The following NCBP3 variants were observed in gnomAD, a reference collection of about 807,000 sequenced individuals.
NCBP3 encodes nuclear cap-binding protein subunit 3.
NCBP3 carries 20 observed loss-of-function variants against 75.7 expected under a neutral mutation model. The ratio of observed to expected loss-of-function variants is 0.26; its 90% CI spans 0.19 to 0.38. The LOEUF is 0.38. NCBP3 is among the 10% of genes least tolerant of loss of function. The pLI is 1.00. For synonymous variants in NCBP3, 293 were observed against 290.5 expected (o/e 1.01, Z -0.09); for missense variants, 678 against 796.9 (o/e 0.85, Z 1.80).
intron 10 of NCBP3, among the ~76,000 whole-genome samples, chr17:3,817,501 C>T (rs1025260314): frequency 1.3e-5 from 2 of 151,830 alleles, no homozygotes; most frequent in Non-Finnish European, 2.9e-5. Context: ...TAGTGGCAGG[C>T]GCCTGTAGTC....
chr17:3,825,715 A>G, intron 6 of NCBP3, 52 bp downstream of exon 6: 1 of 1,353,928 alleles, frequency 7.4e-7, no homozygotes. Flanking sequence ...TTAAAAAGAC[A>G]GTGAGCAATT....
chr17:3,836,575 C>G (rs1472343213), intron 3 of NCBP3, among the ~76,000 whole-genome samples: 1 of 150,530 alleles, frequency 6.6e-6, no homozygotes, highest in Non-Finnish European at 1.5e-5. Context: ...ATCATTTGAA[C>G]CCAGGAGGCG....
intron 2 of NCBP3, among the ~76,000 whole-genome samples, chr17:3,840,448 G>A (rs1289400294): frequency 6.6e-6 from 1 of 152,182 alleles, no homozygotes; most frequent in Non-Finnish European, 1.5e-5. Flanking sequence ...CTGGGACATA[G>A]TAGGAACTCA....
chr17:3,834,195 C>T (rs2143697021), intron 3 of NCBP3, among the ~76,000 whole-genome samples: 1 of 152,214 alleles, frequency 6.6e-6, no homozygotes, highest in South Asian at 2.1e-4. Context: ...TGGCACAAAT[C>T]TGAACGACTA....
Position 3,813,003 on chromosome 17 carries a change from A to T in NCBP3, c.*41T>A, listed in dbSNP as rs368554336. ...TACTGCGCGCCCCACCCTGTGCAAG[A>T]ATGTCAGGCTTTAGGGCAGCTGCCA... On this transcript the variant is annotated 3_prime_UTR_variant, in exon 13 of 13. Transcript: ENST00000389005. 3.7e-6 allele frequency: 6 copies of T among 1,612,126 alleles called. No homozygotes were observed. Among genetic ancestry groups the T allele is most frequent in the Non-Finnish European group, 5.1e-6 (6 of 1,178,974 alleles).
intron 3 of NCBP3, among the ~76,000 whole-genome samples, chr17:3,834,601 C>A (rs1000960740): frequency 5.3e-5 from 8 of 152,074 alleles, no homozygotes; most frequent in Non-Finnish European, 1.0e-4. Context: ...CATGGAGAAA[C>A]CTCATCTCTA....
intron 9 of NCBP3, among the ~76,000 whole-genome samples, chr17:3,819,015 G>A (rs189963823): frequency 1.2e-4 from 18 of 152,214 alleles, no homozygotes; most frequent in South Asian, 1.0e-3. Flanking sequence ...GTAAACAAGC[G>A]TCTGTTTCAG....
At chr17:3,826,523 T>A (rs976116811) in intron 4 of NCBP3, among the ~76,000 whole-genome samples, 1 of 151,992 alleles carries the variant, frequency 6.6e-6, no homozygotes, top group East Asian at 1.9e-4. Context: ...CCCAGCTACT[T>A]GGGAGGCCGA....
chr17:3,824,980 G>C lies in NCBP3; in HGVS notation c.758C>G (p.Ala253Gly). The change falls in exon 7 of 13, where the codon GCT becomes GGT. Residue 253 changes from alanine (A) to glycine (G), a missense_variant. Ala to Gly is a moderately conservative substitution (Grantham distance 60). Around this residue, in one of 7 missense-constraint regions of NCBP3, gnomAD observed 98 missense variants for 101.8 expected, o/e 0.96. Transcript: ENST00000389005. The stretch of plus-strand genomic sequence containing the variant: ...TCTCATGAATAACCTATTTCCTTTA[G>C]CAAGTTTGTTAGCTGGACGAAGATC... ...RNDLRPANKL[A>G]KGNRLFMRFA... The C allele has an allele frequency of 2.6e-6, 4 of 1,543,452 alleles. No individual in the cohort carries two copies. Among genetic ancestry groups the C allele is most frequent in the Non-Finnish European group, 3.5e-6 (4 of 1,142,780 alleles).
rs1054340548 is a variant in NCBP3, at chr17:3,829,194, G to A, written c.481+49C>T. On this transcript the variant is annotated intron_variant, in intron 4 of 12. Transcript: ENST00000389005. ...ACCATCTCTGATGGCAAGAACTCTT[G>A]AAAAATCATCAACAAAAGCATATTC... The A allele has an allele frequency of 1.2e-5, 19 of 1,545,190 alleles. No homozygotes were observed. The South Asian group carries it at 1.4e-4, about 12-fold the overall frequency.
At chr17:3,840,055 C>T (rs746575440) in intron 3 of NCBP3, 45 bp downstream of exon 3, 2 of 1,466,086 alleles carry the variant, frequency 1.4e-6, no homozygotes, top group South Asian at 1.2e-5. Flanking sequence ...GGAAAAGGCA[C>T]TCTCTGGGGA....
At position 3,825,056 on chromosome 17, in the gene NCBP3, G is replaced by C. The variant is rs1186298868; in HGVS notation, c.688-6C>G. 1 of 1,429,422 alleles carries C rather than the reference G, an allele frequency of 7.0e-7. No homozygotes were observed. Among genetic ancestry groups the C allele is most frequent in the East Asian group, 2.5e-5 (1 of 39,810 alleles). 88.5% of individuals were successfully genotyped at this position (1,429,422 alleles called of 1,614,324 possible). A position where few individuals can be genotyped will look rare whatever the true frequency, so the allele number is the denominator to read the frequency against. ...ACCTGAGACAACGTATCCAACTTAA[G>C]AAAGAAGAGTATTTTTAATATAAAA... On this transcript the variant is annotated splice_region_variant and splice_polypyrimidine_tract_variant and intron_variant, in intron 6 of 12. Coordinates refer to ENST00000389005, the MANE Select transcript of NCBP3 (RefSeq NM_001114118.3).
At chr17:3,845,770 G>C (rs570078686) in intron 1 of NCBP3, among the ~76,000 whole-genome samples, 5 of 152,176 alleles carry the variant, frequency 3.3e-5, no homozygotes, top group South Asian at 2.1e-4. Context: ...CGGCTCAGAG[G>C]GGGCAGCGGA....
At position 3,810,238 on chromosome 17, in the gene NCBP3, A is replaced by G. The variant is rs2053388328; in HGVS notation, c.*2806T>C. 1 of 152,290 alleles carries G rather than the reference A, an allele frequency of 6.6e-6. No homozygotes were observed. Among genetic ancestry groups the G allele is most frequent in the African/African-American group, 2.4e-5 (1 of 41,460 alleles). The allele number at this position is 152,290 out of a possible 1,614,324, so 9.4% of individuals were successfully genotyped here. A position where few individuals can be genotyped will look rare whatever the true frequency, so the allele number is the denominator to read the frequency against. ...GGAGACAGGGCAGAGACCAGTGAAG[A>G]GGCTGCTGTACAAATGCAGCTGGAA... On this transcript the variant is annotated 3_prime_UTR_variant, in exon 13 of 13. Coordinates refer to ENST00000389005, the MANE Select transcript of NCBP3 (RefSeq NM_001114118.3).
In NCBP3 at chr17:3,811,880, G is replaced by C. The variant is rs1406787231; in HGVS notation, c.*1164C>G. 6.6e-6 allele frequency: 1 copy of C among 152,174 alleles called. No individual in the cohort carries two copies. Among genetic ancestry groups the C allele is most frequent in the East Asian group, 1.9e-4 (1 of 5,206 alleles). 9.4% of individuals were successfully genotyped at this position (152,174 alleles called of 1,614,324 possible). A position where few individuals can be genotyped will look rare whatever the true frequency, so the allele number is the denominator to read the frequency against. On this transcript the variant is annotated 3_prime_UTR_variant, in exon 13 of 13. Coordinates refer to ENST00000389005, the MANE Select transcript of NCBP3 (RefSeq NM_001114118.3). ...CTCCTAATGGTAAAATAATCTGAAA[G>C]GAGTTTAAAAATAAATGAACTAAAA...
chr17:3,827,399 C>G (rs1268516017), intron 4 of NCBP3, among the ~76,000 whole-genome samples: 2 of 152,214 alleles, frequency 1.3e-5, no homozygotes, highest in African/African-American at 4.8e-5. Context: ...CGAATTCCCC[C>G]TTCATCATTC....
At chr17:3,833,481 G>C (rs1043782002) in intron 3 of NCBP3, among the ~76,000 whole-genome samples, 1 of 152,056 alleles carries the variant, frequency 6.6e-6, no homozygotes, top group Admixed American at 6.6e-5. Flanking sequence ...CATTGCCCAA[G>C]TTTTGATGTG....
chr17:3,814,402 G>A lies in NCBP3; in HGVS notation c.1547C>T (p.Ser516Phe), dbSNP rs557284004. ...SSNPVVRREP[S>F]SDVHSRLGVP... The stretch of plus-strand genomic sequence containing the variant: ...ACCTAGCCTACTATGCACATCAGAA[G>A]AGGGCTCTCTCCGAACGACGGGGTT... The change falls in exon 12 of 13, where the codon TCT (serine) becomes TTT (phenylalanine). Residue 516 changes from serine to phenylalanine, a missense_variant. Physicochemically the swap from Ser to Phe is radical, Grantham distance 155. Coordinates refer to ENST00000389005, the MANE Select transcript of NCBP3 (RefSeq NM_001114118.3). 1 of 1,614,194 alleles carries A rather than the reference G, an allele frequency of 6.2e-7. No individual in the cohort carries two copies. Among genetic ancestry groups the A allele is most frequent in the South Asian group, 1.1e-5 (1 of 91,092 alleles).
intron 8 of NCBP3, 64 bp from the exon 9 acceptor site, chr17:3,821,416 T>C: frequency 7.7e-7 from 1 of 1,292,786 alleles, no homozygotes; most frequent in Non-Finnish European, 1.1e-6. Context: ...AAATCCACTA[T>C]TTCTTTCTCT....
Sources: gnomAD v4.1 joint callset for allele counts (sites outside exome capture counted in the v4.1 genomes callset) on GRCh38, gnomAD v4.1.1 for gene constraint, gnomAD v4.1.1 regional missense constraint, MANE v1.5 for transcripts, NCBI Gene and HGNC (gene_info 2026-07-23, HGNC 2026-07-21) for gene names.